KTN1: variants seen among roughly 807,000 people sequenced by gnomAD.
The protein encoded by KTN1 is kinectin.
Under a neutral mutation model 222.5 loss-of-function variants are expected in KTN1, and 130 were observed. The ratio of observed to expected loss-of-function variants is 0.58; its 90% confidence interval spans 0.51 to 0.68. The LOEUF is 0.68. KTN1 is among the 30% of genes least tolerant of loss of function. The probability of loss-of-function intolerance (pLI) is 0.00; values close to 1 mark genes in which losing one functional copy is unlikely to be tolerated. For missense variants in KTN1, 1,508 were observed against 1,500.4 expected (o/e 1.01, Z -0.08); for synonymous variants, 512 against 496.3 (o/e 1.03, Z -0.42).
chr14:55,619,224 A>G lies in KTN1; in HGVS notation c.875A>G (p.Lys292Arg), dbSNP rs1310614201. 15 of 1,608,950 alleles carry G rather than the reference A, an allele frequency of 9.3e-6. No individual in the cohort carries two copies. The highest frequency in any genetic ancestry group is 1.2e-5 in the Non-Finnish European group (14 of 1,175,536). ...VKFKDFLLSL[K>R]TMMFSEDEAL... Reference sequence around the variant, plus strand: ...TTTAAAGATTTTCTTCTGTCCTTGAAGACTATGATGTTTTCTGAAGATGAG... The same window carrying G: ...TTTAAAGATTTTCTTCTGTCCTTGAGGACTATGATGTTTTCTGAAGATGAG... The change falls in exon 5 of 44, where the codon AAG (lysine) becomes AGG (arginine). Residue 292 changes from lysine to arginine, a missense_variant. Physicochemically the swap from Lys to Arg is conservative, Grantham distance 26 (BLOSUM62 2). Transcript: ENST00000395314.
intron 28 of KTN1, 61 bp downstream of exon 28, chr14:55,653,657 G>A: frequency 1.6e-6 from 2 of 1,266,676 alleles, no homozygotes; most frequent in Non-Finnish European, 2.3e-6. Flanking sequence ...TTTCCAGGGT[G>A]TGCTTGAATA....
At position 55,679,675 on chromosome 14, in the gene KTN1, C is replaced by T. The variant is rs2046196156; in HGVS notation, c.4059C>T (p.Tyr1353=). ...AGCTCACAAAGGAGAAAGAGCACTA[C>T]CAGGTGTTAGGTAAGGACAACTGAA... The part of the protein sequence containing the change: ...NQQLTKEKEH[Y]QVLE Residue 1353 remains tyrosine, a synonymous_variant, in exon 43 of 44, where the codon TAC becomes TAT. Coordinates refer to ENST00000395314, the MANE Select transcript of KTN1 (RefSeq NM_001079521.2). 6 of 1,613,630 alleles carry T rather than the reference C, an allele frequency of 3.7e-6. No homozygotes were observed. Among genetic ancestry groups the T allele is most frequent in the Non-Finnish European group, 5.1e-6 (6 of 1,179,788 alleles).
chr14:55,677,707 A>G (rs190499059), intron 41 of KTN1, among the ~76,000 whole-genome samples: 3 of 152,102 alleles, frequency 2.0e-5, no homozygotes, highest in East Asian at 3.9e-4. Flanking sequence ...ATTTTATTAT[A>G]TATTTTTTGA....
At chr14:55,623,689 T>A (rs2039447941) in intron 5 of KTN1, among the ~76,000 whole-genome samples, 2 of 152,196 alleles carry the variant, frequency 1.3e-5, no homozygotes, top group South Asian at 4.1e-4. Flanking sequence ...GATTAAAGAA[T>A]TTGTCCTTCG....
chr14:55,581,267 C>G (rs947631643), intron 1 of KTN1, among the ~76,000 whole-genome samples: 7 of 152,236 alleles, frequency 4.6e-5, no homozygotes, highest in Admixed American at 6.5e-5. Context: ...GCGTCCCAGC[C>G]GGCCCCAGTT....
At chr14:55,676,001 T>C (rs890298272) in intron 41 of KTN1, 83 bp downstream of exon 41, 2 of 869,434 alleles carry the variant, frequency 2.3e-6, no homozygotes, top group Non-Finnish European at 3.6e-6. Context: ...CTGCTAATTC[T>C]GGATTTGTTG....
At chr14:55,633,202 T>C in intron 7 of KTN1, 33 bp from the exon 8 acceptor site, 1 of 1,279,158 alleles carries the variant, frequency 7.8e-7, no homozygotes, top group Non-Finnish European at 1.1e-6. Flanking sequence ...CAGTCTTTGT[T>C]TTCTAAGTTT....
At position 55,653,592 on chromosome 14, in the gene KTN1, A is replaced by G. The variant is rs1354639225; in HGVS notation, c.2797A>G (p.Ile933Val). The G allele has an allele frequency of 1.2e-6, 2 of 1,608,710 alleles. No homozygotes were observed. Among genetic ancestry groups the G allele is most frequent in the Non-Finnish European group, 1.7e-6 (2 of 1,175,762 alleles). ...SSASQFEELE[I>V]VLKEKENELK... is the part of the protein sequence containing the mutation. Reference sequence around the variant, plus strand: ...TGCATCACAGTTTGAAGAACTTGAGATTGTGTAAGTATGCTTTAAGACCAC... The same window carrying G: ...TGCATCACAGTTTGAAGAACTTGAGGTTGTGTAAGTATGCTTTAAGACCAC... Residue 933 changes from isoleucine to valine, a missense_variant, in exon 28 of 44, where the codon ATT becomes GTT. Physicochemically the swap from Ile to Val is conservative, Grantham distance 29. Transcript: ENST00000395314.
At chr14:55,650,732 A>G in intron 24 of KTN1, 95 bp downstream of exon 24, 2 of 858,720 alleles carry the variant, frequency 2.3e-6, no homozygotes, top group Non-Finnish European at 3.8e-6. Flanking sequence ...AAAACTTAGT[A>G]TGCTGTAGGT....
At chr14:55,670,424 G>C (rs1250411432) in intron 34 of KTN1, among the ~76,000 whole-genome samples, 2 of 152,042 alleles carry the variant, frequency 1.3e-5, no homozygotes, top group Non-Finnish European at 2.9e-5. Context: ...GTAGAGGCCA[G>C]ATTTGAACCC....
chr14:55,619,225 G>T lies in KTN1; in HGVS notation c.876G>T (p.Lys292Asn). 6.2e-7 allele frequency: 1 copy of T among 1,608,794 alleles called. No individual in the cohort carries two copies. Among genetic ancestry groups the T allele is most frequent in the South Asian group, 1.1e-5 (1 of 90,964 alleles). The change falls in exon 5 of 44, where the codon AAG (lysine) becomes AAT (asparagine). Residue 292 changes from lysine to asparagine, a missense_variant. Coordinates refer to ENST00000395314, the MANE Select transcript of KTN1 (RefSeq NM_001079521.2). ...VKFKDFLLSL[K>N]TMMFSEDEAL... ...TTAAAGATTTTCTTCTGTCCTTGAA[G>T]ACTATGATGTTTTCTGAAGATGAGG...
chr14:55,626,312 A>T (rs533243472), intron 5 of KTN1, among the ~76,000 whole-genome samples: 3 of 151,796 alleles, frequency 2.0e-5, no homozygotes, highest in Non-Finnish European at 2.9e-5. Flanking sequence ...TTACAGCGGC[A>T]TGTGCTTTTC....
At chr14:55,681,154 T>C (rs959292645) in intron 43 of KTN1, 7 of 156,476 alleles carry the variant, frequency 4.5e-5, no homozygotes, top group African/African-American at 1.7e-4. Context: ...TGGCTTTTCT[T>C]CCTGCTATTT....
chr14:55,622,236 G>T (rs2039246865), intron 5 of KTN1, among the ~76,000 whole-genome samples: 1 of 152,160 alleles, frequency 6.6e-6, no homozygotes, highest in Non-Finnish European at 1.5e-5. Context: ...AAAGTCAGGT[G>T]ATTTCTGGAT....
intron 1 of KTN1, among the ~76,000 whole-genome samples, chr14:55,582,958 C>T (rs2032067084): frequency 6.6e-6 from 1 of 152,142 alleles, no homozygotes; most frequent in African/African-American, 2.4e-5. Flanking sequence ...CACTCATGCT[C>T]AAAGAGAATT....
At chr14:55,603,489 T>C (rs1159487070) in intron 1 of KTN1, among the ~76,000 whole-genome samples, 4 of 152,144 alleles carry the variant, frequency 2.6e-5, no homozygotes, top group Non-Finnish European at 5.9e-5. Flanking sequence ...CTCTCCTCCT[T>C]AATAGACTTT....
intron 34 of KTN1, chr14:55,667,542 A>G (rs372009366): frequency 4.1e-5 from 13 of 317,286 alleles, no homozygotes; most frequent in East Asian, 1.1e-4. Context: ...AATTTTATAT[A>G]TGAGACATTA....
At chr14:55,681,990 A>C (rs2046413284) in intron 43 of KTN1, 1 of 152,206 alleles carries the variant, frequency 6.6e-6, no homozygotes, top group African/African-American at 2.4e-5. Context: ...CTCAATCATT[A>C]GAATGTAGGT....
chr14:55,617,997 C>T lies in KTN1; in HGVS notation c.695C>T (p.Thr232Ile). ...GATGAACCCCTTATTCATGCAACTA[C>T]TTATATTCCTTTGATGGATAATGCT... ...FVDEPLIHAT[T>I]YIPLMDNADS... The change falls in exon 4 of 44, where the codon ACT (threonine) becomes ATT (isoleucine). Residue 232 changes from threonine to isoleucine, a missense_variant. Coordinates refer to ENST00000395314, the MANE Select transcript of KTN1 (RefSeq NM_001079521.2). The T allele has an allele frequency of 1.2e-6, 2 of 1,609,116 alleles. No homozygotes were observed. The highest frequency in any genetic ancestry group is 1.7e-6 in the Non-Finnish European group (2 of 1,177,732).
Sources: allele counts gnomAD v4.1 joint callset (sites outside exome capture counted in the v4.1 genomes callset), GRCh38; gene constraint gnomAD v4.1.1; transcripts MANE v1.5; gene names NCBI Gene and HGNC (gene_info 2026-07-23, HGNC 2026-07-21).